The following KLF15 variants were observed in gnomAD, a reference collection of about 807,000 sequenced individuals.
KLF15 encodes the protein Krueppel-like factor 15.
In KLF15, 4 loss-of-function variants were observed where a neutral mutation model predicts 24.6. The ratio of observed to expected loss-of-function variants is 0.16; its 90% CI spans 0.08 to 0.37. The LOEUF (loss-of-function observed/expected upper bound fraction) is 0.37. KLF15 is among the 10% of genes least tolerant of loss of function. The pLI is 1.00. For missense variants in KLF15, 496 were observed against 560.6 expected, an observed-to-expected ratio of 0.88 and a Z score of 1.16; for synonymous variants, 246 against 236.3, an observed-to-expected ratio of 1.04 and a Z score of -0.37.
chr3:126,337,754 A>G (rs143364487), downstream of KLF15, among the ~76,000 whole-genome samples: 148 of 152,308 alleles, frequency 9.7e-4, 1 homozygote, highest in African/African-American at 3.3e-3. Context: ...AGTGTGTTGC[A>G]TATTTTAACT....
chr3:126,315,272 G>A, the KLF15 span, among the ~76,000 whole-genome samples: 6 of 152,078 alleles, frequency 3.9e-5, no homozygotes, highest in Middle Eastern at 3.4e-3. Flanking sequence ...CTCTAGCTCC[G>A]AACAAGTTCA....
At chr3:126,306,884 G>A in the KLF15 span, among the ~76,000 whole-genome samples, 1 of 152,086 alleles carries the variant, frequency 6.6e-6, no homozygotes, top group Admixed American at 6.5e-5. Context: ...TCTGGCAATG[G>A]TGCCCCTTTC....
the KLF15 span, among the ~76,000 whole-genome samples, chr3:126,293,582 G>A: frequency 2.0e-5 from 3 of 152,130 alleles, no homozygotes; most frequent in African/African-American, 2.4e-5. Flanking sequence ...TGTCAACGTC[G>A]GACTCTAAAT....
At chr3:126,316,446 GGA>G in the KLF15 span, among the ~76,000 whole-genome samples, 2 of 151,574 alleles carry the variant, frequency 1.3e-5, no homozygotes, top group East Asian at 1.9e-4. Flanking sequence ...GCCTGAGTGG[GGA>G]AGGGAGTCTA....
the KLF15 span, among the ~76,000 whole-genome samples, chr3:126,337,444 G>A: frequency 6.0e-4 from 66 of 109,544 alleles, 1 homozygote; most frequent in African/African-American, 2.2e-3. Flanking sequence ...GGGGAGGGGG[G>A]AGGGATAGCA....
chr3:126,300,603 A>G, the KLF15 span, among the ~76,000 whole-genome samples: 1 of 152,136 alleles, frequency 6.6e-6, no homozygotes, highest in Non-Finnish European at 1.5e-5. Context: ...CTGTGGGCTC[A>G]TCACTTGCAG....
In KLF15 at chr3:126,352,774, C is replaced by T; in HGVS notation, c.149G>A (p.Cys50Tyr). ...SEDDSDASSP[C>Y]SCSSPDSQAL... ...TTGAGAGTCGGGACTGGAACAGGAG[C>T]AGGGGCTGGAGGCATCGCTGTCATC... The change falls in exon 2 of 3, where the codon TGC becomes TAC. Residue 50 changes from cysteine to tyrosine, a missense_variant. Coordinates refer to ENST00000296233, the MANE Select transcript of KLF15 (RefSeq NM_014079.4). 6.3e-7 allele frequency: 1 copy of T among 1,577,508 alleles called. No homozygotes were observed. The highest frequency in any genetic ancestry group is 8.6e-7 in the Non-Finnish European group (1 of 1,161,354).
chr3:126,301,625 T>C, the KLF15 span, among the ~76,000 whole-genome samples: 1 of 146,450 alleles, frequency 6.8e-6, no homozygotes, highest in African/African-American at 2.7e-5. Flanking sequence ...TTTTTTTTTT[T>C]TTTTCTGAGA....
chr3:126,318,043 A>T, the KLF15 span, among the ~76,000 whole-genome samples: 5 of 152,130 alleles, frequency 3.3e-5, no homozygotes, highest in Non-Finnish European at 5.9e-5. Flanking sequence ...TCTACACGAC[A>T]CCAACCTGGA....
rs892992643 is a variant in KLF15 at position 126,356,740 on chromosome 3, C to T, written c.-26+497G>A. 2.2e-4 allele frequency among the ~76,000 whole-genome samples: 34 copies of T among 152,078 alleles called. No homozygotes were observed. Among genetic ancestry groups the T allele is most frequent in the Admixed American group, 6.5e-4 (10 of 15,282 alleles). ...GCGTGGGAAATGAAGAGAGCCGGCT[C>T]AGACCCCTTCTAGAGTCCTGGACCG... On this transcript the variant is annotated intron_variant, in intron 1 of 2. Transcript: ENST00000296233. This position sits in a 1 kb window ranked among gnomAD's most constrained non-coding sequence, Gnocchi z 4.4.
chr3:126,334,340 T>C, the KLF15 span, among the ~76,000 whole-genome samples: 1 of 139,458 alleles, frequency 7.2e-6, no homozygotes, highest in Non-Finnish European at 1.6e-5. Flanking sequence ...CATAACGAAA[T>C]GAAGGCAGAA....
the KLF15 span, among the ~76,000 whole-genome samples, chr3:126,303,714 A>G: frequency 7.7e-6 from 1 of 129,604 alleles, no homozygotes; most frequent in Non-Finnish European, 1.7e-5. Flanking sequence ...TTGTTTCTTT[A>G]TATATCTTTT....
At chr3:126,320,578 C>T in the KLF15 span, among the ~76,000 whole-genome samples, 1 of 152,222 alleles carries the variant, frequency 6.6e-6, no homozygotes, top group Non-Finnish European at 1.5e-5. Flanking sequence ...ACAAGTATTG[C>T]ACATACAGAT....
At chr3:126,301,616 T>C in the KLF15 span, among the ~76,000 whole-genome samples, 42,118 of 127,240 alleles carry the variant, frequency 0.33, 6,287 homozygotes, top group Non-Finnish European at 0.39. Context: ...TTTTCTTTTT[T>C]TTTTTTTTTT....
intron 1 of KLF15, among the ~76,000 whole-genome samples, chr3:126,354,928 GTGT>G (rs1256149718): frequency 6.6e-6 from 1 of 152,232 alleles, no homozygotes; most frequent in Non-Finnish European, 1.5e-5. Context: ...GGTTCCTCAG[GTGT>G]TGTGAGAATT....
chr3:126,290,631 A>G, the KLF15 span: 43 of 151,698 alleles, frequency 2.8e-4, no homozygotes, highest in African/African-American at 1.0e-3. Flanking sequence ...ACTGTTTTCT[A>G]GCATTGTTGC....
At chr3:126,296,560 T>C in the KLF15 span, among the ~76,000 whole-genome samples, 1 of 152,238 alleles carries the variant, frequency 6.6e-6, no homozygotes, top group Non-Finnish European at 1.5e-5. Context: ...TTAGATGCCT[T>C]GTCTTTTCAA....
intron 2 of KLF15, among the ~76,000 whole-genome samples, chr3:126,346,081 G>C (rs2082533893): frequency 1.3e-5 from 2 of 152,350 alleles, no homozygotes; most frequent in South Asian, 4.1e-4. Context: ...CTCCTGTACA[G>C]GCCTGGATGG....
the KLF15 span, among the ~76,000 whole-genome samples, chr3:126,328,771 T>C: frequency 6.6e-6 from 1 of 152,232 alleles, no homozygotes; most frequent in Non-Finnish European, 1.5e-5. Flanking sequence ...ACAGGATATA[T>C]TGTTTTTTTA....
Sources: gnomAD v4.1 joint callset for allele counts (sites outside exome capture counted in the v4.1 genomes callset) on GRCh38, gnomAD v4.1.1 for gene constraint, Gnocchi (gnomAD v3.1) non-coding constraint, MANE v1.5 for transcripts, NCBI Gene and HGNC (gene_info 2026-07-23, HGNC 2026-07-21) for gene names.